The following UMAD1 variants were observed in gnomAD, a reference collection of about 807,000 sequenced individuals.
UMAD1 encodes the protein UBAP1-MVB12-associated (UMA)-domain containing protein 1.
In UMAD1, 8 loss-of-function variants were observed where a neutral mutation model predicts 6.1. That is an observed-to-expected ratio of 1.30 (90% CI 0.76 to 2.35). UMAD1 has a LOEUF of 2.35. UMAD1 is among the 30% of genes most tolerant of loss of function. UMAD1 has a pLI of 0.00. For synonymous variants in UMAD1, 56 were observed against 31.4 expected (o/e 1.78, Z -2.61); for missense variants, 130 against 78.4 (o/e 1.66, Z -2.49).
At chr7:7,816,071 C>G (rs1433679797) in intron 3 of UMAD1, among the ~76,000 whole-genome samples, 2 of 152,122 alleles carry the variant, frequency 1.3e-5, no homozygotes, top group African/African-American at 4.8e-5. Context: ...AAGCACAATG[C>G]TGGTAGGACC....
chr7:7,731,899 G>A (rs1781266530), intron 2 of UMAD1, among the ~76,000 whole-genome samples: 1 of 152,100 alleles, frequency 6.6e-6, no homozygotes, highest in East Asian at 1.9e-4. Context: ...TGCCTTAACT[G>A]ACCTGATGAC....
At chr7:7,774,267 TAAG>T (rs1398187445) in intron 2 of UMAD1, among the ~76,000 whole-genome samples, 44 of 152,136 alleles carry the variant, frequency 2.9e-4, no homozygotes, top group Non-Finnish European at 1.5e-5. Context: ...GAGTAACAAT[TAAG>T]AAACTGAGGC....
chr7:7,814,236 A>C (rs1464893664), intron 3 of UMAD1, among the ~76,000 whole-genome samples: 1 of 152,160 alleles, frequency 6.6e-6, no homozygotes, highest in Admixed American at 6.6e-5. Flanking sequence ...CGCCTGCCTC[A>C]GCCTCCTGAA....
chr7:7,820,750 A>T (rs1369358677), intron 3 of UMAD1, among the ~76,000 whole-genome samples: 1 of 152,074 alleles, frequency 6.6e-6, no homozygotes, highest in Non-Finnish European at 1.5e-5. Context: ...AACTCTTCTC[A>T]TGAGGAAAAT....
intron 2 of UMAD1, among the ~76,000 whole-genome samples, chr7:7,682,666 A>G (rs1197526186): frequency 2.0e-5 from 3 of 152,184 alleles, no homozygotes; most frequent in Non-Finnish European, 4.4e-5. Context: ...AAAAATGTAT[A>G]CCAGATCTTT....
chr7:7,825,316 A>T (rs1783318742), intron 3 of UMAD1, among the ~76,000 whole-genome samples: 1 of 152,132 alleles, frequency 6.6e-6, no homozygotes, highest in Non-Finnish European at 1.5e-5. Flanking sequence ...TAGCATTTTT[A>T]TTTTTACAGA....
At chr7:7,717,051 TC>T (rs1464475067) in intron 2 of UMAD1, among the ~76,000 whole-genome samples, 7 of 149,344 alleles carry the variant, frequency 4.7e-5, no homozygotes, top group African/African-American at 1.8e-4. Flanking sequence ...TTTCTTTCTT[TC>T]TTTTTTTCTT....
intron 1 of UMAD1, among the ~76,000 whole-genome samples, chr7:7,671,162 C>A (rs1779595844): frequency 6.6e-6 from 1 of 152,212 alleles, no homozygotes; most frequent in South Asian, 2.1e-4. Flanking sequence ...GTACAACTCT[C>A]AAAAATTTTG....
chr7:7,670,395 C>A (rs1779576912), intron 1 of UMAD1, among the ~76,000 whole-genome samples: 1 of 152,124 alleles, frequency 6.6e-6, no homozygotes. Context: ...TGGCATGTGG[C>A]ACAGTGAACA....
At chr7:7,771,305 G>A (rs1782096205) in intron 2 of UMAD1, among the ~76,000 whole-genome samples, 1 of 152,108 alleles carries the variant, frequency 6.6e-6, no homozygotes, top group South Asian at 2.1e-4. Flanking sequence ...ATCACATATA[G>A]CTAGGGTTTT....
At chr7:7,839,633 GGA>G (rs760856178) in intron 3 of UMAD1, among the ~76,000 whole-genome samples, 2 of 152,182 alleles carry the variant, frequency 1.3e-5, no homozygotes, top group African/African-American at 4.8e-5. Context: ...GAATGATCCG[GGA>G]GAGAGGGGGA....
intron 3 of UMAD1, among the ~76,000 whole-genome samples, chr7:7,816,199 A>ATG (rs1563229561): frequency 1.3e-5 from 2 of 151,618 alleles, no homozygotes; most frequent in African/African-American, 4.9e-5. Context: ...CAAAAAAAAC[A>ATG]GTAACATTAA....
At chr7:7,803,035 T>G (rs992447900) in intron 3 of UMAD1, among the ~76,000 whole-genome samples, 1 of 152,206 alleles carries the variant, frequency 6.6e-6, no homozygotes, top group Non-Finnish European at 1.5e-5. Context: ...ATTCTTTCAC[T>G]TATGCATGCA....
intron 2 of UMAD1, among the ~76,000 whole-genome samples, chr7:7,760,033 C>T (rs937999085): frequency 6.6e-6 from 1 of 152,130 alleles, no homozygotes; most frequent in East Asian, 1.9e-4. Flanking sequence ...CCCTGGCTTA[C>T]AAGGGTCAGT....
chr7:7,661,625 C>T (rs908655306), intron 1 of UMAD1, among the ~76,000 whole-genome samples: 2 of 152,162 alleles, frequency 1.3e-5, no homozygotes, highest in Admixed American at 6.5e-5. Context: ...GCCTAGGGAT[C>T]ATCAGCAGAG....
At chr7:7,673,491 A>G in intron 2 of UMAD1, 38 bp downstream of exon 2, 1 of 699,206 alleles carries the variant, frequency 1.4e-6, no homozygotes, top group Non-Finnish European at 2.5e-6. Context: ...TAGATGAATT[A>G]TGTTCTCTTT....
chr7:7,878,900 G>A lies in UMAD1; in HGVS notation c.*1362G>A, dbSNP rs1784475587. Reference sequence around the variant, plus strand: ...CCATATGGTGTTAATGATTAAATTAGATCTTTACATAGTTCTTACAAAGCA... The same window carrying A: ...CCATATGGTGTTAATGATTAAATTAAATCTTTACATAGTTCTTACAAAGCA... On this transcript the variant is annotated 3_prime_UTR_variant, in exon 4 of 4. Transcript: ENST00000682710. The A allele has an allele frequency of 6.6e-6, 1 of 152,104 alleles. No individual in the cohort carries two copies. Among genetic ancestry groups the A allele is most frequent in the African/African-American group, 2.4e-5 (1 of 41,420 alleles). The allele number at this position is 152,104 out of a possible 1,614,324, so 9.4% of individuals were successfully genotyped here. A position where few individuals can be genotyped will look rare whatever the true frequency, so the allele number is the denominator to read the frequency against.
intron 3 of UMAD1, among the ~76,000 whole-genome samples, chr7:7,876,885 G>T (rs913059755): frequency 6.6e-6 from 1 of 152,152 alleles, no homozygotes; most frequent in Non-Finnish European, 1.5e-5. Flanking sequence ...TGCCCCATAA[G>T]CATTCTGAAA....
intron 2 of UMAD1, among the ~76,000 whole-genome samples, chr7:7,732,069 A>G (rs1781270399): frequency 6.6e-6 from 1 of 152,008 alleles, no homozygotes; most frequent in Non-Finnish European, 1.5e-5. Flanking sequence ...ATATTCTTAC[A>G]TCTTCTGCTT....
Sources: allele counts gnomAD v4.1 joint callset (sites outside exome capture counted in the v4.1 genomes callset), GRCh38; gene constraint gnomAD v4.1.1; transcripts MANE v1.5; gene names NCBI Gene and HGNC (gene_info 2026-07-23, HGNC 2026-07-21).